Variants in RAB30 observed in about 807,000 individuals in gnomAD.
RAB30 encodes the protein ras-related protein Rab-30.
In RAB30, 9 loss-of-function variants were observed where a neutral mutation model predicts 25.1. The ratio of observed to expected loss-of-function variants is 0.36; its 90% CI spans 0.22 to 0.63. The LOEUF (loss-of-function observed/expected upper bound fraction) is 0.63. Among genes scored for constraint, RAB30 ranks in the 20% least tolerant of loss-of-function variants. The pLI, the probability that RAB30 is intolerant of heterozygous loss-of-function variation, is 0.69. For synonymous variants in RAB30, 77 were observed against 86.4 expected (o/e 0.89, Z 0.60); for missense variants, 140 against 243.5 (o/e 0.58, Z 2.83).
intron 1 of RAB30, among the ~76,000 whole-genome samples, chr11:83,051,623 A>C (rs1010107494): frequency 2.0e-5 from 3 of 152,104 alleles, no homozygotes; most frequent in African/African-American, 7.2e-5. Context: ...ATGACAGTCC[A>C]CGAAAGACCC....
intron 1 of RAB30, among the ~76,000 whole-genome samples, chr11:83,021,741 G>T (rs1445337600): frequency 1.3e-5 from 2 of 152,244 alleles, no homozygotes; most frequent in Non-Finnish European, 2.9e-5. Context: ...ACCGGCCACA[G>T]GTTTCCAGCC....
intron 1 of RAB30, among the ~76,000 whole-genome samples, chr11:83,020,196 T>C (rs1343856257): frequency 6.6e-6 from 1 of 152,190 alleles, no homozygotes; most frequent in Non-Finnish European, 1.5e-5. Flanking sequence ...AAACCACGGC[T>C]GCAGACCCAG....
At chr11:83,038,815 C>A (rs1284437546) in intron 1 of RAB30, 1 of 150,264 alleles carries the variant, frequency 6.7e-6, no homozygotes, top group Admixed American at 6.6e-5. Flanking sequence ...GAGAGAAACT[C>A]CATCTCAAAA....
chr11:82,994,431 T>A (rs1368189472), intron 2 of RAB30, among the ~76,000 whole-genome samples: 1 of 152,054 alleles, frequency 6.6e-6, no homozygotes, highest in African/African-American at 2.4e-5. Context: ...AACCTGATTT[T>A]AAGAATGAAA....
chr11:83,058,682 A>T (rs1232366466), intron 1 of RAB30, among the ~76,000 whole-genome samples: 2 of 152,234 alleles, frequency 1.3e-5, no homozygotes, highest in Non-Finnish European at 2.9e-5. Context: ...CTCCACTGTG[A>T]AGTTACTATT....
At position 82,978,391 on chromosome 11, in the gene RAB30, C is replaced by T. The variant is rs1856581341; in HGVS notation, c.*3774G>A. On this transcript the variant is annotated 3_prime_UTR_variant, in exon 5 of 5. Transcript: ENST00000527633. The stretch of plus-strand genomic sequence containing the variant: ...CAGGTAATAAATCTAAACTTAGGAA[C>T]ATTTCCTCACAGTTCAAAAAGTTCT... The T allele has an allele frequency of 6.6e-6, 1 of 151,196 alleles. No individual in the cohort carries two copies. The highest frequency in any genetic ancestry group is 1.5e-5 in the Non-Finnish European group (1 of 67,838). The allele number at this position is 151,196 out of a possible 1,614,324, so 9.4% of individuals were successfully genotyped here. A position where few individuals can be genotyped will look rare whatever the true frequency, so the allele number is the denominator to read the frequency against.
chr11:83,043,636 AC>A (rs1192096193), intron 1 of RAB30, among the ~76,000 whole-genome samples: 4 of 152,156 alleles, frequency 2.6e-5, no homozygotes, highest in Non-Finnish European at 5.9e-5. Flanking sequence ...TGTCTGCCCT[AC>A]CCCCTAGTGT....
intron 3 of RAB30, among the ~76,000 whole-genome samples, chr11:82,992,545 G>C (rs754704372): frequency 1.3e-5 from 2 of 152,136 alleles, no homozygotes; most frequent in African/African-American, 2.4e-5. Flanking sequence ...TCAAAGGAAG[G>C]AGAGCATGTA....
chr11:83,035,197 T>C (rs1045762313), intron 1 of RAB30: 2 of 152,024 alleles, frequency 1.3e-5, no homozygotes, highest in African/African-American at 4.8e-5. Context: ...TACCTAATTC[T>C]AGAGTGCTCA....
At chr11:83,001,034 G>T (rs1352993668) in intron 1 of RAB30, among the ~76,000 whole-genome samples, 1 of 106,336 alleles carries the variant, frequency 9.4e-6, no homozygotes, top group Non-Finnish European at 1.7e-5. Context: ...GCGACAGAAC[G>T]AGACTCCGTC....
intron 1 of RAB30, among the ~76,000 whole-genome samples, chr11:83,027,485 C>T (rs567559737): frequency 1.3e-5 from 2 of 152,166 alleles, no homozygotes; most frequent in African/African-American, 4.8e-5. Flanking sequence ...CAAGGGAAAA[C>T]CTGAAGATGG....
intron 1 of RAB30, among the ~76,000 whole-genome samples, chr11:83,044,552 A>C (rs1406091190): frequency 6.6e-6 from 1 of 152,212 alleles, no homozygotes; most frequent in Non-Finnish European, 1.5e-5. Flanking sequence ...AGTCTGTTCA[A>C]AGATCTTTGA....
intron 1 of RAB30, among the ~76,000 whole-genome samples, chr11:83,000,625 C>T (rs775378448): frequency 5.3e-5 from 8 of 152,286 alleles, no homozygotes; most frequent in Admixed American, 3.3e-4. Context: ...CTCATTTCTA[C>T]ATCTTTGCTG....
intron 1 of RAB30, among the ~76,000 whole-genome samples, chr11:83,048,785 A>G (rs1305852403): frequency 6.6e-6 from 1 of 152,172 alleles, no homozygotes; most frequent in African/African-American, 2.4e-5. Context: ...CCTCTAAGGA[A>G]AGGTCCTGTC....
intron 1 of RAB30, among the ~76,000 whole-genome samples, chr11:83,063,374 T>A (rs983660183): frequency 1.3e-5 from 2 of 152,232 alleles, no homozygotes; most frequent in Non-Finnish European, 2.9e-5. Context: ...CATTTCAAGG[T>A]TGATGACGTC....
At chr11:82,991,498 C>T (rs988469652) in intron 3 of RAB30, among the ~76,000 whole-genome samples, 1 of 133,946 alleles carries the variant, frequency 7.5e-6, no homozygotes, top group Admixed American at 7.9e-5. Flanking sequence ...CAGAGCAAGA[C>T]CCTTTCTCAA....
chr11:83,025,791 TA>T (rs1261464140), intron 1 of RAB30, among the ~76,000 whole-genome samples: 1 of 152,154 alleles, frequency 6.6e-6, no homozygotes, highest in Non-Finnish European at 1.5e-5. Flanking sequence ...CATGTTAAAA[TA>T]AGGAAAAACT....
In RAB30 at chr11:82,990,092, A is replaced by G. The variant is rs187524335; in HGVS notation, c.178-2322T>C. ...TCCTGCTGTTAGTCTCATGCCTGTC[A>G]ATATGTTTTCAATACTGTAGCCACG... On this transcript the variant is annotated intron_variant, in intron 3 of 4. Coordinates refer to ENST00000527633, the MANE Select transcript of RAB30 (RefSeq NM_001286060.2). 3.3e-5 allele frequency among the ~76,000 whole-genome samples: 5 copies of G among 152,330 alleles called. No individual in the cohort carries two copies. The East Asian group carries it at 9.6e-4, about 29-fold the overall frequency.
intron 3 of RAB30, among the ~76,000 whole-genome samples, chr11:82,988,283 C>T (rs547830467): frequency 2.0e-5 from 3 of 152,288 alleles, no homozygotes; most frequent in South Asian, 2.1e-4. Context: ...CCAGAGTCCC[C>T]GTTCTTACTC....
Sources: gnomAD v4.1 joint callset for allele counts (sites outside exome capture counted in the v4.1 genomes callset) on GRCh38, gnomAD v4.1.1 for gene constraint, MANE v1.5 for transcripts, NCBI Gene and HGNC (gene_info 2026-07-23, HGNC 2026-07-21) for gene names.